The following RBFOX1 variants were observed in gnomAD, a reference collection of about 807,000 sequenced individuals.
RBFOX1 encodes RNA binding fox-1 homolog 1.
In RBFOX1, 8 loss-of-function variants were observed where a neutral mutation model predicts 57.7. The ratio of observed to expected loss-of-function variants is 0.14; its 90% confidence interval spans 0.08 to 0.25. The LOEUF (loss-of-function observed/expected upper bound fraction) is 0.25. Ranked by LOEUF, RBFOX1 falls within the 10% of genes least tolerant of loss-of-function variation. The pLI is 1.00. For missense variants in RBFOX1, 611 were observed against 548.5 expected (o/e 1.11, Z -1.14); for synonymous variants, 326 against 222.4 (o/e 1.47, Z -4.15).
intron 3 of RBFOX1, among the ~76,000 whole-genome samples, chr16:5,680,539 A>T (rs1431723737): frequency 6.6e-6 from 1 of 152,182 alleles, no homozygotes; most frequent in African/African-American, 2.4e-5. Flanking sequence ...CTTGGAGTAC[A>T]TGTCACATGG....
intron 2 of RBFOX1, among the ~76,000 whole-genome samples, chr16:6,358,536 A>G (rs1305401380): frequency 6.6e-6 from 1 of 152,184 alleles, no homozygotes; most frequent in Non-Finnish European, 1.5e-5. Flanking sequence ...TTTTTTCATT[A>G]TTAACAATTT....
chr16:6,886,610 C>A (rs1171196158), intron 3 of RBFOX1, among the ~76,000 whole-genome samples: 1 of 151,906 alleles, frequency 6.6e-6, no homozygotes, highest in East Asian at 2.0e-4. Flanking sequence ...AAAAAATTAG[C>A]TGGGCGTGGT....
chr16:5,270,701 A>G (rs1223865518), intron 1 of RBFOX1: 3 of 512,166 alleles, frequency 5.9e-6, no homozygotes, highest in African/African-American at 2.0e-5. Flanking sequence ...TGAGATGTGC[A>G]GACAAATGAC....
chr16:7,146,598 T>C (rs866717685), intron 4 of RBFOX1, among the ~76,000 whole-genome samples: 3 of 152,130 alleles, frequency 2.0e-5, no homozygotes, highest in Admixed American at 2.0e-4. Flanking sequence ...AATAAGCTTA[T>C]GATACCCAGC....
At chr16:7,379,251 C>G (rs1401087524) in intron 4 of RBFOX1, among the ~76,000 whole-genome samples, 3 of 152,184 alleles carry the variant, frequency 2.0e-5, no homozygotes, top group African/African-American at 7.2e-5. Context: ...TCACCATAAA[C>G]TAAAGAGTTT....
At chr16:7,360,425 G>A (rs569926426) in intron 4 of RBFOX1, among the ~76,000 whole-genome samples, 3 of 152,234 alleles carry the variant, frequency 2.0e-5, no homozygotes, top group African/African-American at 7.2e-5. Flanking sequence ...TGATGTGGGT[G>A]TGCACGTGTG....
rs1028465936 is a variant in RBFOX1, at chr16:7,504,352, A to T, written c.28-13795A>T. ...CAAGAATGTTATAAGTAACACTATC[A>T]TCATTAACGTGATTAATCTACCTGG... On this transcript the variant is annotated intron_variant, in intron 4 of 15. Transcript: ENST00000550418. Among the ~76,000 whole-genome samples, 5 of 152,164 alleles carry T rather than the reference A, an allele frequency of 3.3e-5. No individual in the cohort carries two copies. In the South Asian group the frequency reaches 6.2e-4, roughly 19 times the overall value.
intron 1 of RBFOX1, among the ~76,000 whole-genome samples, chr16:6,286,784 A>G (rs1056142206): frequency 1.4e-4 from 21 of 152,288 alleles, no homozygotes; most frequent in African/African-American, 5.1e-4. Flanking sequence ...GTCTTTATAC[A>G]AGGAAGACTA....
intron 14 of RBFOX1, among the ~76,000 whole-genome samples, chr16:7,695,721 C>T (rs1230758108): frequency 2.7e-5 from 4 of 150,752 alleles, no homozygotes; most frequent in South Asian, 2.1e-4. Context: ...CTGTAATGAG[C>T]TCTCACCTCC....
Position 6,243,142 on chromosome 16 carries a change from GTC to G in RBFOX1, c.-126-73851_-126-73850del, listed in dbSNP as rs201374294. ...TGGATAAATTGATATTTATACGTGT[GTC>G]TGTGTGTGTGTGTGTGTGTGTGTTT... On this transcript the variant is annotated intron_variant, in intron 1 of 15. Coordinates refer to ENST00000550418, the MANE Select transcript of RBFOX1 (RefSeq NM_018723.4). Among the ~76,000 whole-genome samples, 1,270 of 151,124 alleles carry G rather than the reference GTC, an allele frequency of 8.4e-3. 20 individuals are homozygous for G. The highest frequency in any genetic ancestry group is 0.029 in the African/African-American group (1,173 of 40,718).
rs1486960867 is a variant in RBFOX1 at position 5,736,923 on chromosome 16, C to G, written c.319-130380C>G. On this transcript the variant is annotated intron_variant, in intron 3 of 19. Coordinates refer to the RBFOX1 transcript ENST00000641259. ...CCCCTCCGTCTCTCTCCCCCTCCCTCTCTCCCTGTCTCTCTTCCTCCCTTC... is the reference window on the plus strand; with the variant it reads ...CCCCTCCGTCTCTCTCCCCCTCCCTGTCTCCCTGTCTCTCTTCCTCCCTTC... Among the ~76,000 whole-genome samples, 3 of 149,082 alleles carry G rather than the reference C, an allele frequency of 2.0e-5. No individual in the cohort carries two copies. The Admixed American group carries it at 2.0e-4, about 10-fold the overall frequency.
chr16:6,673,679 T>G (rs183701482), intron 3 of RBFOX1, among the ~76,000 whole-genome samples: 2 of 152,244 alleles, frequency 1.3e-5, no homozygotes, highest in East Asian at 1.9e-4. Flanking sequence ...AGGACCAGCT[T>G]CATGATGGGT....
At chr16:5,397,405 C>T (rs1012121393) in intron 1 of RBFOX1, among the ~76,000 whole-genome samples, 6 of 152,192 alleles carry the variant, frequency 3.9e-5, no homozygotes, top group Non-Finnish European at 5.9e-5. Context: ...CTGGCAGGTG[C>T]TCTCTGCACT....
chr16:7,188,590 T>C (rs1481784615), intron 4 of RBFOX1, among the ~76,000 whole-genome samples: 5 of 152,106 alleles, frequency 3.3e-5, no homozygotes, highest in Admixed American at 6.6e-5. Context: ...TCTAAGCAAT[T>C]AAGAGTGGTT....
intron 3 of RBFOX1, among the ~76,000 whole-genome samples, chr16:5,809,142 C>G (rs972229998): frequency 1.3e-5 from 2 of 152,192 alleles, no homozygotes; most frequent in Non-Finnish European, 2.9e-5. Flanking sequence ...GAAACTGGAT[C>G]CCTTCCTTAC....
Position 7,383,990 on chromosome 16 carries a change from G to A in RBFOX1, c.28-134157G>A, listed in dbSNP as rs2097833546. Among the ~76,000 whole-genome samples the A allele has an allele frequency of 2.0e-5, 3 of 151,286 alleles. No individual in the cohort carries two copies. The South Asian group carries it at 6.3e-4, about 32-fold the overall frequency. Reference sequence around the variant, plus strand: ...AATCACTTGAACCCAGTAGGTGGAGGTTGCAGTGAGCAGAGATCGTGCCGT... The same window carrying A: ...AATCACTTGAACCCAGTAGGTGGAGATTGCAGTGAGCAGAGATCGTGCCGT... On this transcript the variant is annotated intron_variant, in intron 4 of 15. Coordinates refer to ENST00000550418, the MANE Select transcript of RBFOX1 (RefSeq NM_018723.4).
chr16:5,620,611 T>C (rs1596481822), intron 3 of RBFOX1, among the ~76,000 whole-genome samples: 1 of 152,270 alleles, frequency 6.6e-6, no homozygotes, highest in East Asian at 1.9e-4. Flanking sequence ...TGTGTCAGTA[T>C]CCTCACCTCT....
At chr16:7,390,528 A>T (rs1325792621) in intron 4 of RBFOX1, among the ~76,000 whole-genome samples, 1 of 152,220 alleles carries the variant, frequency 6.6e-6, no homozygotes, top group Non-Finnish European at 1.5e-5. Flanking sequence ...AATTGTAAAG[A>T]CTGAATGAGA....
At chr16:6,663,439 C>A (rs1207997139) in intron 3 of RBFOX1, among the ~76,000 whole-genome samples, 1 of 152,136 alleles carries the variant, frequency 6.6e-6, no homozygotes, top group East Asian at 1.9e-4. Flanking sequence ...CAGTCTCTTG[C>A]CCCTGGGAGT....
Sources: allele counts gnomAD v4.1 joint callset (sites outside exome capture counted in the v4.1 genomes callset), GRCh38; gene constraint gnomAD v4.1.1; transcripts MANE v1.5; gene names NCBI Gene and HGNC (gene_info 2026-07-23, HGNC 2026-07-21).